The following CELF4 variants were observed in gnomAD, a reference collection of about 807,000 sequenced individuals.
CELF4 encodes the protein CUG-BP- and ETR-3-like factor 4.
CELF4 carries 18 observed loss-of-function variants against 59.9 expected under a neutral mutation model. The observed-to-expected ratio is 0.30, with a 90% CI of 0.21 to 0.45. The LOEUF is 0.45. Ranked by LOEUF, CELF4 falls within the 20% of genes least tolerant of loss-of-function variation. CELF4 has a pLI of 1.00. For synonymous variants in CELF4, 261 were observed against 267.1 expected, an observed-to-expected ratio of 0.98 and a Z score of 0.22; for missense variants, 456 against 689.0, an observed-to-expected ratio of 0.66 and a Z score of 3.79.
At chr18:37,407,438 A>G (rs953731385) in intron 2 of CELF4, among the ~76,000 whole-genome samples, 24 of 152,180 alleles carry the variant, frequency 1.6e-4, no homozygotes, top group African/African-American at 5.1e-4. Context: ...TGTGTTTAAT[A>G]AAGTCCAGTA....
intron 8 of CELF4, among the ~76,000 whole-genome samples, chr18:37,270,239 T>A (rs1406960432): frequency 1.3e-5 from 2 of 152,240 alleles, no homozygotes; most frequent in Admixed American, 1.3e-4. Context: ...TCTGTGGTGC[T>A]GACCTGTCCA....
chr18:37,422,292 G>C (rs2099583179), intron 2 of CELF4, among the ~76,000 whole-genome samples: 1 of 152,200 alleles, frequency 6.6e-6, no homozygotes, highest in African/African-American at 2.4e-5. Flanking sequence ...GCCAGTCAGG[G>C]GCCACCCTTG....
chr18:37,503,292 C>A (rs1265772580), intron 1 of CELF4, among the ~76,000 whole-genome samples: 1 of 152,244 alleles, frequency 6.6e-6, no homozygotes, highest in African/African-American at 2.4e-5. Context: ...GGAGCACTTG[C>A]AGCCAGAGAA....
intron 2 of CELF4, among the ~76,000 whole-genome samples, chr18:37,373,278 G>A (rs898276685): frequency 3.9e-5 from 6 of 152,172 alleles, no homozygotes; most frequent in Non-Finnish European, 7.3e-5. Context: ...AGCTGGTCTC[G>A]ACTGAGGGTG....
At chr18:37,390,170 C>T (rs1392755384) in intron 2 of CELF4, among the ~76,000 whole-genome samples, 1 of 152,212 alleles carries the variant, frequency 6.6e-6, no homozygotes, top group Non-Finnish European at 1.5e-5. Flanking sequence ...TGGCATATGT[C>T]CATGAGCGTG....
At chr18:37,419,916 C>T (rs1055227616) in intron 2 of CELF4, among the ~76,000 whole-genome samples, 2 of 152,164 alleles carry the variant, frequency 1.3e-5, no homozygotes, top group South Asian at 2.1e-4. Flanking sequence ...GGCCCGAGGT[C>T]GGCGGGAAGG....
At chr18:37,533,063 C>T (rs775869994) in intron 1 of CELF4, among the ~76,000 whole-genome samples, 4 of 152,224 alleles carry the variant, frequency 2.6e-5, no homozygotes, top group African/African-American at 7.2e-5. Context: ...CTGGCGTGGG[C>T]GGCCACTTCC....
At chr18:37,285,546 A>C (rs1401521612) in intron 3 of CELF4, among the ~76,000 whole-genome samples, 5 of 152,168 alleles carry the variant, frequency 3.3e-5, no homozygotes, top group Middle Eastern at 3.2e-3. Context: ...GGGGGCCAGG[A>C]ATGGCTCCTT....
chr18:37,531,357 A>G (rs2154605070), intron 1 of CELF4, among the ~76,000 whole-genome samples: 1 of 152,194 alleles, frequency 6.6e-6, no homozygotes, highest in South Asian at 2.1e-4. Context: ...GCCGCCCTGG[A>G]GTCCCAGAGT....
At chr18:37,347,706 G>A (rs2098314603) in intron 2 of CELF4, among the ~76,000 whole-genome samples, 1 of 152,118 alleles carries the variant, frequency 6.6e-6, no homozygotes, top group African/African-American at 2.4e-5. Context: ...CAAGTAGAGG[G>A]GTGCCAAATC....
intron 2 of CELF4, among the ~76,000 whole-genome samples, chr18:37,421,334 T>G (rs781219075): frequency 6.6e-6 from 1 of 152,222 alleles, no homozygotes; most frequent in Non-Finnish European, 1.5e-5. Flanking sequence ...TCTCCCTCCT[T>G]GCGCACTGGC....
At chr18:37,392,114 C>T (rs1002002956) in intron 2 of CELF4, among the ~76,000 whole-genome samples, 6 of 152,236 alleles carry the variant, frequency 3.9e-5, no homozygotes, top group Non-Finnish European at 1.5e-5. Context: ...CAGCTTCACA[C>T]ACCCATATCT....
rs1480347461 is a variant in CELF4, at chr18:37,416,227, CATCT to C, written c.369+69294_369+69297del. Among the ~76,000 whole-genome samples, 27 of 139,528 alleles carry C rather than the reference CATCT, an allele frequency of 1.9e-4. No individual in the cohort carries two copies. The Admixed American group carries it at 1.9e-3, about 10-fold the overall frequency. The allele number at this position is 139,528 out of a possible 152,430, so 91.5% of individuals were successfully genotyped here. A position where few individuals can be genotyped will look rare whatever the true frequency, so the allele number is the denominator to read the frequency against. On this transcript the variant is annotated intron_variant, in intron 2 of 12. Coordinates refer to ENST00000420428, the MANE Select transcript of CELF4 (RefSeq NM_020180.4). ...CCATCCATCCACCCATCCATCCATT[CATCT>C]ATCCATCCATCCATCCATCCAATAT... is the stretch of plus-strand genomic sequence containing the variant.
At chr18:37,493,242 G>T (rs1040343259) in intron 1 of CELF4, among the ~76,000 whole-genome samples, 2 of 152,120 alleles carry the variant, frequency 1.3e-5, no homozygotes, top group African/African-American at 4.8e-5. Context: ...TAGAGCCCAC[G>T]TAACTTTCTA....
At chr18:37,272,975 T>C (rs1601663692) in intron 7 of CELF4, 41 bp downstream of exon 7, 1 of 1,569,896 alleles carries the variant, frequency 6.4e-7, no homozygotes, top group Non-Finnish European at 8.7e-7. Context: ...CCAGCTGTTC[T>C]CCCACCGGGC....
Position 37,531,029 on chromosome 18 carries a change from G to A in CELF4, c.286+34327C>T, listed in dbSNP as rs540743133. ...GGGGTAAGCAGGTGTCTTATCTGCT[G>A]AGGCAGGAGCTGGGGTGGGGGTCAC... is the stretch of plus-strand genomic sequence containing the variant. On this transcript the variant is annotated intron_variant, in intron 1 of 12. Transcript: ENST00000420428. Among the ~76,000 whole-genome samples, 415 of 152,132 alleles carry A rather than the reference G, an allele frequency of 2.7e-3. 4 individuals carry two copies. The highest frequency in any genetic ancestry group is 4.1e-3 in the Admixed American group (62 of 15,274).
rs76261740 is a variant in CELF4 at position 37,348,167 on chromosome 18, C to T, written c.370-26286G>A. 8.7e-3 allele frequency among the ~76,000 whole-genome samples: 1,331 copies of T among 152,272 alleles called. 73 individuals are homozygous for T. In the East Asian group the frequency reaches 0.15, roughly 17 times the overall value. ...TCTCTCTTGCGCCTCCTTCTCTAAA[C>T]AGCCTTTTGGAAAGAGCACAGAGAT... On this transcript the variant is annotated intron_variant, in intron 2 of 12. Coordinates refer to ENST00000420428, the MANE Select transcript of CELF4 (RefSeq NM_020180.4).
intron 2 of CELF4, among the ~76,000 whole-genome samples, chr18:37,326,986 G>A (rs966375295): frequency 5.9e-5 from 9 of 152,172 alleles, no homozygotes; most frequent in African/African-American, 2.2e-4. Context: ...ATAATGTCAA[G>A]CTCATTTGAA....
At chr18:37,389,183 G>A (rs768481774) in intron 2 of CELF4, among the ~76,000 whole-genome samples, 2 of 152,302 alleles carry the variant, frequency 1.3e-5, no homozygotes, top group East Asian at 1.9e-4. Context: ...TCAGGCTGTC[G>A]CTGTCTTGCT....
Sources: allele counts gnomAD v4.1 joint callset (sites outside exome capture counted in the v4.1 genomes callset), GRCh38; gene constraint gnomAD v4.1.1; transcripts MANE v1.5; gene names NCBI Gene and HGNC (gene_info 2026-07-23, HGNC 2026-07-21).